RAB1A: variants seen among roughly 807,000 people sequenced by gnomAD.
RAB1A encodes the protein RAB1A, member RAS oncogene family.
A neutral mutation model predicts 26.0 loss-of-function variants in RAB1A; 2 were observed. The ratio of observed to expected loss-of-function variants is 0.08; its 90% CI spans 0.03 to 0.24. RAB1A has a LOEUF of 0.24. Ranked by LOEUF, RAB1A falls within the 10% of genes least tolerant of loss-of-function variation. RAB1A has a pLI of 1.00. For synonymous variants in RAB1A, 84 were observed against 84.9 expected, an observed-to-expected ratio of 0.99 and a Z score of 0.06; for missense variants, 100 against 247.0, an observed-to-expected ratio of 0.40 and a Z score of 3.99.
At chr2:65,128,802 C>A (rs1670164757) in intron 1 of RAB1A, among the ~76,000 whole-genome samples, 2 of 152,144 alleles carry the variant, frequency 1.3e-5, no homozygotes, top group South Asian at 4.1e-4. Context: ...TCGGTCTCTT[C>A]CAATTATTCA....
intron 2 of RAB1A, among the ~76,000 whole-genome samples, chr2:65,101,316 C>A (rs1053288790): frequency 3.3e-5 from 5 of 152,142 alleles, no homozygotes; most frequent in Non-Finnish European, 7.4e-5. Flanking sequence ...ATTCATCCTT[C>A]AGTTTTGAGC....
chr2:65,123,169 ATTTTTTT>A (rs571655114), intron 1 of RAB1A, among the ~76,000 whole-genome samples: 1 of 136,054 alleles, frequency 7.4e-6, no homozygotes, highest in Non-Finnish European at 1.6e-5. Flanking sequence ...ACATACGTAA[ATTTTTTT>A]TTTTTTTTTT....
intron 1 of RAB1A, among the ~76,000 whole-genome samples, chr2:65,110,212 C>A (rs894314772): frequency 2.6e-5 from 4 of 151,890 alleles, no homozygotes; most frequent in African/African-American, 9.7e-5. Flanking sequence ...GAGGCTGAGG[C>A]GGGCAGATCA....
chr2:65,128,432 G>C (rs777230011), intron 1 of RAB1A, among the ~76,000 whole-genome samples: 71 of 152,210 alleles, frequency 4.7e-4, no homozygotes, highest in Non-Finnish European at 9.1e-4. Flanking sequence ...GTTCAACTGT[G>C]CAAAACCAAC....
intron 1 of RAB1A, among the ~76,000 whole-genome samples, chr2:65,127,797 G>C (rs1442753044): frequency 1.3e-5 from 2 of 152,130 alleles, no homozygotes; most frequent in African/African-American, 4.8e-5. Flanking sequence ...GCAGTGGCCA[G>C]ATCTTGGTTC....
At chr2:65,118,433 CTT>C (rs773467305) in intron 1 of RAB1A, among the ~76,000 whole-genome samples, 4 of 152,110 alleles carry the variant, frequency 2.6e-5, no homozygotes, top group Non-Finnish European at 5.9e-5. Context: ...AAACTCAACT[CTT>C]AATATACTCT....
At chr2:65,101,482 T>C (rs1669425744) in intron 2 of RAB1A, among the ~76,000 whole-genome samples, 1 of 152,144 alleles carries the variant, frequency 6.6e-6, no homozygotes, top group South Asian at 2.1e-4. Flanking sequence ...ATTTTAAAAA[T>C]AGTTTCCAGG....
intron 1 of RAB1A, among the ~76,000 whole-genome samples, chr2:65,129,127 G>T (rs1305594521): frequency 1.4e-5 from 2 of 147,512 alleles, no homozygotes; most frequent in Non-Finnish European, 3.0e-5. Flanking sequence ...GTATCAAAAA[G>T]ACATTTCTTG....
At chr2:65,098,190 C>A in intron 2 of RAB1A, 124 bp from the exon 3 acceptor site, 1 of 526,508 alleles carries the variant, frequency 1.9e-6, no homozygotes, top group Non-Finnish European at 3.2e-6. Flanking sequence ...ATCTACAGTC[C>A]AAATTTATGA....
intron 2 of RAB1A, among the ~76,000 whole-genome samples, chr2:65,104,142 G>C (rs1669501183): frequency 6.6e-6 from 1 of 152,190 alleles, no homozygotes; most frequent in South Asian, 2.1e-4. Flanking sequence ...ATTCTGTTAA[G>C]TCAAAAGTCC....
chr2:65,094,761 T>C (rs1012078739), intron 3 of RAB1A, among the ~76,000 whole-genome samples: 1 of 152,098 alleles, frequency 6.6e-6, no homozygotes, highest in African/African-American at 2.4e-5. Flanking sequence ...CAAGACAGGA[T>C]TTACCTCATG....
At chr2:65,091,575 T>C (rs1328200355) in intron 3 of RAB1A, among the ~76,000 whole-genome samples, 1 of 152,178 alleles carries the variant, frequency 6.6e-6, no homozygotes, top group African/African-American at 2.4e-5. Context: ...TCATCCAGGC[T>C]GAGTACAGTG....
At chr2:65,091,530 CTT>C (rs145464700) in intron 3 of RAB1A, among the ~76,000 whole-genome samples, 1 of 151,928 alleles carries the variant, frequency 6.6e-6, no homozygotes, top group Non-Finnish European at 1.5e-5. Context: ...AAGCAGGTGT[CTT>C]TTTTTTCCCC....
intron 1 of RAB1A, among the ~76,000 whole-genome samples, chr2:65,123,196 A>G (rs1670013816): frequency 1.5e-5 from 2 of 137,386 alleles, no homozygotes; most frequent in East Asian, 4.4e-4. Flanking sequence ...TTTGAGACAG[A>G]GTCTCGCTCT....
rs370421866 is a variant in RAB1A at position 65,093,923 on chromosome 2, G to A, written c.193-2845C>T. ...AGGCGTGAGCCACCGTGCCCGGCCT[G>A]TGTTTAGATTTTTAAAACACCAGTC... On this transcript the variant is annotated intron_variant, in intron 3 of 5. Coordinates refer to ENST00000409784, the MANE Select transcript of RAB1A (RefSeq NM_004161.5). Among the ~76,000 whole-genome samples the A allele has an allele frequency of 2.6e-5, 4 of 150,958 alleles. No individual in the cohort carries two copies. In the East Asian group the frequency reaches 7.9e-4, roughly 30 times the overall value.
chr2:65,087,692 C>T lies in RAB1A; in HGVS notation c.*801G>A, dbSNP rs1669067601. ...GTTAAATCCCTACACAGCACAGAAG[C>T]CCCTCTAGGTCATGTTATTGGGCAT... On this transcript the variant is annotated 3_prime_UTR_variant, in exon 6 of 6. Coordinates refer to ENST00000409784, the MANE Select transcript of RAB1A (RefSeq NM_004161.5). 6.6e-6 allele frequency: 1 copy of T among 152,598 alleles called. No homozygotes were observed. The highest frequency in any genetic ancestry group is 2.1e-4 in the South Asian group (1 of 4,836). The allele number at this position is 152,598 out of a possible 1,614,324, so 9.5% of individuals were successfully genotyped here.
intron 1 of RAB1A, among the ~76,000 whole-genome samples, chr2:65,111,856 G>A (rs1024069997): frequency 1.3e-5 from 2 of 152,134 alleles, no homozygotes; most frequent in African/African-American, 4.8e-5. Flanking sequence ...GGCCCAGGCA[G>A]GTGGATCACC....
intron 2 of RAB1A, among the ~76,000 whole-genome samples, chr2:65,103,208 C>T (rs2103845333): frequency 6.8e-6 from 1 of 147,392 alleles, no homozygotes; most frequent in South Asian, 2.1e-4. Flanking sequence ...GAGGTCCCAG[C>T]CACTTGGGAG....
In RAB1A at chr2:65,103,299, C is replaced by CAAAAAAAAAAAAAAA. The variant is rs1201745425; in HGVS notation, c.96+1420_96+1434dup. On this transcript the variant is annotated intron_variant, in intron 2 of 5. Transcript: ENST00000409784. ...TTGGCAACACAGCCAGAATCTGTCT[C>CAAAAAAAAAAAAAAA]AAAAAAAAAAAAAAACATTGTTTTA... 1.2e-3 allele frequency among the ~76,000 whole-genome samples: 51 copies of CAAAAAAAAAAAAAAA among 44,098 alleles called. 1 individual carries two copies. The highest frequency in any genetic ancestry group is 2.2e-3 in the African/African-American group (28 of 12,934). 28.9% of individuals were successfully genotyped at this position (44,098 alleles called of 152,430 possible).
Sources: allele counts gnomAD v4.1 joint callset (sites outside exome capture counted in the v4.1 genomes callset), GRCh38; gene constraint gnomAD v4.1.1; transcripts MANE v1.5; gene names NCBI Gene and HGNC (gene_info 2026-07-23, HGNC 2026-07-21).